NIPSNAP3B: variants seen among roughly 807,000 people sequenced by gnomAD.
The protein encoded by NIPSNAP3B is nipsnap homolog 3B, also known as protein NipSnap homolog 3B.
In NIPSNAP3B, 30 loss-of-function variants were observed where a neutral mutation model predicts 31.5. The observed-to-expected ratio is 0.95, with a 90% CI of 0.71 to 1.29. The LOEUF (loss-of-function observed/expected upper bound fraction) is 1.29, where lower values mean the gene tolerates loss of function less well. NIPSNAP3B is among the 50% of genes most tolerant of loss of function. NIPSNAP3B has a pLI of 0.00. For missense variants in NIPSNAP3B, 269 were observed against 300.7 expected (o/e 0.89, Z 0.78); for synonymous variants, 106 against 107.9 (o/e 0.98, Z 0.11).
chr9:104,764,740 G>A (rs568436386), intron 1 of NIPSNAP3B, among the ~76,000 whole-genome samples: 1 of 152,074 alleles, frequency 6.6e-6, no homozygotes, highest in East Asian at 1.9e-4. Flanking sequence ...TAGAGTCGGG[G>A]GTTTCACCAT....
intron 1 of NIPSNAP3B, 93 bp downstream of exon 1, chr9:104,764,393 C>G (rs1323764905): frequency 2.6e-6 from 3 of 1,157,096 alleles, no homozygotes; most frequent in African/African-American, 3.3e-5. Flanking sequence ...CTCAGGCGCT[C>G]CCAGACCTGG....
At position 104,764,143 on chromosome 9, in the gene NIPSNAP3B, C is replaced by T. The variant is rs1404262983; in HGVS notation, c.-98C>T. On this transcript the variant is annotated 5_prime_UTR_variant, in exon 1 of 6. Transcript: ENST00000374762. Reference sequence around the variant, plus strand: ...CGAGTCCCGCCCCTGCCTGAGTTCGCCAGTGGTCCAGGAGCCGCTTTTTTC... The same window carrying T: ...CGAGTCCCGCCCCTGCCTGAGTTCGTCAGTGGTCCAGGAGCCGCTTTTTTC... 8.5e-7 allele frequency: 1 copy of T among 1,181,986 alleles called. No homozygotes were observed. Among genetic ancestry groups the T allele is most frequent in the African/African-American group, 1.6e-5 (1 of 63,654 alleles). The allele number at this position is 1,181,986 out of a possible 1,614,324, so 73.2% of individuals were successfully genotyped here. A position where few individuals can be genotyped will look rare whatever the true frequency, so the allele number is the denominator to read the frequency against.
chr9:104,769,470 A>AAAG (rs1554691850), intron 3 of NIPSNAP3B, among the ~76,000 whole-genome samples: 58 of 151,602 alleles, frequency 3.8e-4, no homozygotes, highest in African/African-American at 1.4e-3. Flanking sequence ...AAAAAAAAAA[A>AAAG]AGAGAATTAG....
At chr9:104,787,466 G>A in the NIPSNAP3B span, among the ~76,000 whole-genome samples, 3 of 151,950 alleles carry the variant, frequency 2.0e-5, no homozygotes, top group African/African-American at 4.8e-5. Context: ...GCTTCTTCCC[G>A]TAATAACATC....
intron 4 of NIPSNAP3B, 118 bp downstream of exon 4, chr9:104,771,116 T>C: frequency 1.1e-6 from 1 of 878,436 alleles, no homozygotes; most frequent in Non-Finnish European, 1.7e-6. Flanking sequence ...TTGTTGTTTA[T>C]AGGATTGAAA....
rs1178955030 is a variant in NIPSNAP3B at position 104,775,194 on chromosome 9, TA to T, written c.*2133del. ...TAAATATACTTTTTTTTCCTATCTT[TA>T]AAAAAAAAAAAGAGTAAAATCACCC... is the stretch of plus-strand genomic sequence containing the variant. On this transcript the variant is annotated 3_prime_UTR_variant, in exon 6 of 6. Coordinates refer to ENST00000374762, the MANE Select transcript of NIPSNAP3B (RefSeq NM_018376.4). Among the ~76,000 whole-genome samples, 857 of 143,730 alleles carry T rather than the reference TA, an allele frequency of 6.0e-3. 1 individual carries two copies. Among genetic ancestry groups the T allele is most frequent in the African/African-American group, 8.0e-3 (317 of 39,394 alleles). 94.3% of individuals were successfully genotyped at this position (143,730 alleles called of 152,430 possible). A position where few individuals can be genotyped will look rare whatever the true frequency, so the allele number is the denominator to read the frequency against.
chr9:104,766,282 T>C (rs779207625), intron 1 of NIPSNAP3B, 43 bp from the exon 2 acceptor site: 3 of 1,539,578 alleles, frequency 1.9e-6, no homozygotes, highest in South Asian at 1.1e-5. Flanking sequence ...AAATCTGTAA[T>C]TGTACCTTCC....
intron 4 of NIPSNAP3B, 96 bp downstream of exon 4, chr9:104,771,094 A>G (rs1031166201): frequency 5.2e-5 from 58 of 1,110,596 alleles, no homozygotes; most frequent in Non-Finnish European, 6.7e-5. Flanking sequence ...TTTATCTCCA[A>G]ATTTTTAGAG....
chr9:104,790,814 T>G, the NIPSNAP3B span: 4 of 807,678 alleles, frequency 5.0e-6, no homozygotes, highest in South Asian at 5.9e-5. Context: ...ATTTCAACAT[T>G]TTTATGAACT....
At chr9:104,786,838 T>A in the NIPSNAP3B span, 1 of 1,557,832 alleles carries the variant, frequency 6.4e-7, no homozygotes, top group South Asian at 1.1e-5. Context: ...AGTTAAAACA[T>A]CCCACAGTGA....
At chr9:104,780,560 C>A (rs927011455), downstream of NIPSNAP3B, among the ~76,000 whole-genome samples, 4 of 152,290 alleles carry the variant, frequency 2.6e-5, no homozygotes, top group African/African-American at 9.6e-5. Flanking sequence ...ATATCTACTT[C>A]GCCTTCCTGC....
At chr9:104,765,428 T>TGTAC (rs796484161) in intron 1 of NIPSNAP3B, among the ~76,000 whole-genome samples, 11 of 152,344 alleles carry the variant, frequency 7.2e-5, no homozygotes, top group African/African-American at 2.6e-4. Context: ...AATATTTGCA[T>TGTAC]GTACGTACAT....
At chr9:104,785,434 T>G in the NIPSNAP3B span, 5 of 1,613,998 alleles carry the variant, frequency 3.1e-6, no homozygotes, top group South Asian at 3.3e-5. Context: ...TAGTCTTCTA[T>G]GTGGAGTCGC....
chr9:104,784,109 A>T, the NIPSNAP3B span: 1 of 615,622 alleles, frequency 1.6e-6, no homozygotes. Flanking sequence ...AGAGCCATAC[A>T]AGACATAGGC....
the NIPSNAP3B span, chr9:104,786,797 T>G: frequency 7.6e-7 from 1 of 1,324,362 alleles, no homozygotes; most frequent in Admixed American, 1.7e-5. Flanking sequence ...TTTTCTAATT[T>G]TTACAAAATG....
At chr9:104,785,667 G>A in the NIPSNAP3B span, 1 of 1,613,100 alleles carries the variant, frequency 6.2e-7, no homozygotes, top group Non-Finnish European at 8.5e-7. Flanking sequence ...TACCCAAATG[G>A]AGGATCTCCA....
chr9:104,788,127 A>G, the NIPSNAP3B span: 2 of 1,491,160 alleles, frequency 1.3e-6, no homozygotes, highest in Non-Finnish European at 1.9e-6. Flanking sequence ...ACATACATGT[A>G]TGAAAGTTCT....
chr9:104,788,264 G>A, the NIPSNAP3B span, among the ~76,000 whole-genome samples: 1 of 142,262 alleles, frequency 7.0e-6, no homozygotes, highest in Admixed American at 6.9e-5. Flanking sequence ...CCCCACCACC[G>A]TTACAGGTTT....
At chr9:104,781,625 A>G (rs903204846), downstream of NIPSNAP3B, 3 of 152,642 alleles carry the variant, frequency 2.0e-5, no homozygotes, top group East Asian at 3.8e-4. Context: ...AATGAAATAC[A>G]GTAGTGTGAG....
Sources: allele counts gnomAD v4.1 joint callset (sites outside exome capture counted in the v4.1 genomes callset), GRCh38; gene constraint gnomAD v4.1.1; transcripts MANE v1.5; gene names NCBI Gene and HGNC (gene_info 2026-07-23, HGNC 2026-07-21).